TLN2: variants seen among roughly 807,000 people sequenced by gnomAD.
The protein encoded by TLN2 is talin 2, also known as talin-2.
Under a neutral mutation model 294.7 loss-of-function variants are expected in TLN2, and 118 were observed. The observed-to-expected ratio is 0.40, with a 90% CI of 0.34 to 0.47. The LOEUF is 0.47. Ranked by LOEUF, TLN2 falls within the 20% of genes least tolerant of loss-of-function variation. The pLI is 0.84. For synonymous variants in TLN2, 1,431 were observed against 1,304.5 expected (o/e 1.10, Z -2.09); for missense variants, 3,083 against 3,282.2 (o/e 0.94, Z 1.48).
intron 1 of TLN2, among the ~76,000 whole-genome samples, chr15:62,432,138 A>C (rs939228809): frequency 6.6e-6 from 1 of 151,996 alleles, no homozygotes; most frequent in Admixed American, 6.6e-5. Context: ...AAATTTTTTT[A>C]CTTTTTATTA....
At chr15:62,781,001 A>C (rs947855878) in intron 43 of TLN2, 139 bp from the exon 44 acceptor site, 3 of 633,130 alleles carry the variant, frequency 4.7e-6, no homozygotes, top group African/African-American at 3.7e-5. Context: ...TTATTGCACA[A>C]GTTGGGTAAT....
chr15:62,782,796 G>C lies in TLN2; in HGVS notation c.5617-975G>C, dbSNP rs2064296304. Among the ~76,000 whole-genome samples, 3 of 152,326 alleles carry C rather than the reference G, an allele frequency of 2.0e-5. No individual in the cohort carries two copies. The South Asian group carries it at 6.2e-4, about 32-fold the overall frequency. ...CATTCCTGTCCTGCCTTGATGGATG[G>C]AGAGTCATTCAAAAGACATTTTAAA... On this transcript the variant is annotated intron_variant, in intron 44 of 58. Transcript: ENST00000636159.
intron 43 of TLN2, among the ~76,000 whole-genome samples, chr15:62,779,220 T>G (rs901620279): frequency 6.6e-6 from 1 of 152,196 alleles, no homozygotes; most frequent in African/African-American, 2.4e-5. Flanking sequence ...GAGTATGAAG[T>G]AATCAGCTTT....
intron 20 of TLN2, 88 bp downstream of exon 20, chr15:62,707,341 T>G (rs544416573): frequency 7.0e-7 from 1 of 1,423,902 alleles, no homozygotes; most frequent in East Asian, 2.4e-5. Flanking sequence ...AGGGGCAGAA[T>G]TTGTTTAAAT....
intron 2 of TLN2, among the ~76,000 whole-genome samples, chr15:62,609,526 C>A (rs932094243): frequency 6.6e-6 from 1 of 152,220 alleles, no homozygotes; most frequent in Non-Finnish European, 1.5e-5. Context: ...AACCTTGACC[C>A]TCTTGAAGGT....
chr15:62,570,093 C>G (rs1215087714), intron 1 of TLN2, among the ~76,000 whole-genome samples: 1 of 152,182 alleles, frequency 6.6e-6, no homozygotes, highest in Non-Finnish European at 1.5e-5. Context: ...TCTTAAGACT[C>G]TTCAGGGCTG....
At chr15:62,422,768 A>AT (rs770142665) in intron 1 of TLN2, among the ~76,000 whole-genome samples, 4 of 151,984 alleles carry the variant, frequency 2.6e-5, no homozygotes, top group Non-Finnish European at 5.9e-5. Context: ...TGGTTTCTGG[A>AT]TTTTTCACCT....
intron 1 of TLN2, among the ~76,000 whole-genome samples, chr15:62,402,516 C>G (rs960015913): frequency 6.6e-6 from 1 of 152,176 alleles, no homozygotes; most frequent in Non-Finnish European, 1.5e-5. Context: ...TTGACCTTTC[C>G]CCGCTTTGTC....
chr15:62,560,754 A>G (rs59191668), intron 1 of TLN2, among the ~76,000 whole-genome samples: 75,293 of 152,050 alleles, frequency 0.5, 19,792 homozygotes, highest in African/African-American at 0.68. Flanking sequence ...CCTTCTTTGC[A>G]GGGTGGACTC....
chr15:62,593,710 T>C (rs1156598933), intron 2 of TLN2, among the ~76,000 whole-genome samples: 2 of 152,224 alleles, frequency 1.3e-5, no homozygotes, highest in African/African-American at 2.4e-5. Flanking sequence ...AAAATGGCCA[T>C]TAAAGCCATT....
intron 20 of TLN2, 28 bp from the exon 21 acceptor site, chr15:62,708,473 GC>G (rs1567415948): frequency 1.1e-5 from 17 of 1,605,008 alleles, no homozygotes; most frequent in Non-Finnish European, 1.4e-5. Context: ...CAACCACAGT[GC>G]CCAAAACCTG....
At chr15:62,667,268 C>T (rs375526071) in intron 9 of TLN2, among the ~76,000 whole-genome samples, 1 of 152,206 alleles carries the variant, frequency 6.6e-6, no homozygotes, top group African/African-American at 2.4e-5. Flanking sequence ...GCCTGGCGAA[C>T]ACTGGCATTT....
In TLN2 at chr15:62,819,551, G is replaced by A. The variant is rs1464301945; in HGVS notation, c.6807G>A (p.Gln2269=). ...LQKPTPEFKQ[Q]LAAFSKRVAG... ...AACCAACCCCAGAATTCAAGCAGCAGCTGGCCGCTTTCTCCAAGCGAGTCG... is the reference window on the plus strand; with the variant it reads ...AACCAACCCCAGAATTCAAGCAGCAACTGGCCGCTTTCTCCAAGCGAGTCG... The change falls in exon 53 of 59, where the codon CAG becomes CAA. Residue 2269 remains glutamine, a synonymous_variant. Transcript: ENST00000636159. The A allele has an allele frequency of 1.9e-6, 3 of 1,613,964 alleles. No individual in the cohort carries two copies. Among genetic ancestry groups the A allele is most frequent in the Non-Finnish European group, 2.5e-6 (3 of 1,180,018 alleles).
intron 1 of TLN2, among the ~76,000 whole-genome samples, chr15:62,506,185 G>C (rs1026066288): frequency 1.5e-4 from 23 of 152,172 alleles, no homozygotes; most frequent in African/African-American, 5.6e-4. Flanking sequence ...TCTCCAGGAA[G>C]AAGGGACCTC....
intron 2 of TLN2, among the ~76,000 whole-genome samples, chr15:62,617,898 C>G (rs900229710): frequency 4.0e-5 from 6 of 151,700 alleles, no homozygotes; most frequent in Non-Finnish European, 8.8e-5. Context: ...AAAGTCCTTT[C>G]TGAAAAGAAA....
intron 2 of TLN2, among the ~76,000 whole-genome samples, chr15:62,613,320 C>T (rs1312600209): frequency 6.6e-6 from 1 of 152,162 alleles, no homozygotes; most frequent in Non-Finnish European, 1.5e-5. Flanking sequence ...TAAAAATACA[C>T]CTTTGTAATT....
intron 1 of TLN2, among the ~76,000 whole-genome samples, chr15:62,542,698 G>A (rs1316610202): frequency 1.3e-5 from 2 of 152,108 alleles, no homozygotes; most frequent in African/African-American, 2.4e-5. Context: ...CCAGGGATTC[G>A]TGTTGGTATT....
chr15:62,678,757 G>A (rs1286835374), intron 11 of TLN2, among the ~76,000 whole-genome samples: 2 of 152,120 alleles, frequency 1.3e-5, no homozygotes, highest in South Asian at 2.1e-4. Flanking sequence ...TTTGAACCTG[G>A]GAGGCAGAGG....
chr15:62,605,942 A>T (rs895569483), intron 2 of TLN2, among the ~76,000 whole-genome samples: 2 of 152,186 alleles, frequency 1.3e-5, no homozygotes, highest in African/African-American at 4.8e-5. Context: ...CTTTAGATAC[A>T]TTTCATGTGA....
Sources: allele counts gnomAD v4.1 joint callset (sites outside exome capture counted in the v4.1 genomes callset), GRCh38; gene constraint gnomAD v4.1.1; transcripts MANE v1.5; gene names NCBI Gene and HGNC (gene_info 2026-07-23, HGNC 2026-07-21).